The following UBE2G1 variants were observed in gnomAD, a reference collection of about 807,000 sequenced individuals.
The protein encoded by UBE2G1 is ubiquitin conjugating enzyme E2 G1.
Under a neutral mutation model 22.7 loss-of-function variants are expected in UBE2G1, and 5 were observed. The observed-to-expected ratio is 0.22, with a 90% CI of 0.12 to 0.46. The LOEUF (loss-of-function observed/expected upper bound fraction) is 0.46. Among genes scored for constraint, UBE2G1 ranks in the 20% least tolerant of loss-of-function variants. The pLI is 0.99. For missense variants in UBE2G1, 88 were observed against 203.9 expected, an observed-to-expected ratio of 0.43 and a Z score of 3.46; for synonymous variants, 74 against 67.5, an observed-to-expected ratio of 1.10 and a Z score of -0.47.
intron 1 of UBE2G1, among the ~76,000 whole-genome samples, chr17:4,348,569 A>G (rs1423006046): frequency 6.7e-6 from 1 of 149,992 alleles, no homozygotes; most frequent in Non-Finnish European, 1.5e-5. Context: ...AAAAAAAAAA[A>G]AATTAAAGAA....
chr17:4,354,770 A>C (rs925749948), intron 1 of UBE2G1, among the ~76,000 whole-genome samples: 1 of 151,900 alleles, frequency 6.6e-6, no homozygotes, highest in Non-Finnish European at 1.5e-5. Flanking sequence ...GTCTCTACCA[A>C]AAAAAAATTT....
intron 1 of UBE2G1, among the ~76,000 whole-genome samples, chr17:4,327,700 A>C (rs1294936346): frequency 6.6e-6 from 1 of 152,182 alleles, no homozygotes; most frequent in African/African-American, 2.4e-5. Context: ...CATCAAATGG[A>C]AGCCAAGCAT....
intron 4 of UBE2G1, among the ~76,000 whole-genome samples, chr17:4,286,395 ACT>A (rs1181114478): frequency 7.7e-6 from 1 of 130,048 alleles, no homozygotes; most frequent in Non-Finnish European, 1.6e-5. Flanking sequence ...ACAGAGTGAG[ACT>A]CTGTCTCAAA....
intron 3 of UBE2G1, among the ~76,000 whole-genome samples, chr17:4,293,266 C>T (rs376781866): frequency 2.6e-5 from 4 of 152,156 alleles, no homozygotes; most frequent in Admixed American, 2.6e-4. Context: ...ACTTTGTTCA[C>T]TTAATATAAT....
At chr17:4,355,016 G>A (rs1287200883) in intron 1 of UBE2G1, among the ~76,000 whole-genome samples, 6 of 152,072 alleles carry the variant, frequency 3.9e-5, no homozygotes, top group East Asian at 1.9e-4. Context: ...TGCTTGAGCC[G>A]AGGAAGTGGA....
chr17:4,325,278 G>A (rs1223056517), intron 1 of UBE2G1, among the ~76,000 whole-genome samples: 1 of 152,140 alleles, frequency 6.6e-6, no homozygotes, highest in East Asian at 1.9e-4. Flanking sequence ...TAAATGATGG[G>A]ATTGTGGGTG....
chr17:4,365,199 G>A (rs1163134997), intron 1 of UBE2G1, among the ~76,000 whole-genome samples: 1 of 152,232 alleles, frequency 6.6e-6, no homozygotes, highest in Non-Finnish European at 1.5e-5. Context: ...GTAGGGGGAA[G>A]ATCGCTTGAA....
intron 5 of UBE2G1, among the ~76,000 whole-genome samples, chr17:4,275,697 G>C (rs1405272642): frequency 6.6e-6 from 1 of 152,076 alleles, no homozygotes; most frequent in East Asian, 1.9e-4. Context: ...TCAATCATAG[G>C]GAAGTATTTC....
At chr17:4,300,546 AAAT>A (rs889230029) in intron 2 of UBE2G1, among the ~76,000 whole-genome samples, 9 of 152,092 alleles carry the variant, frequency 5.9e-5, no homozygotes, top group Admixed American at 4.6e-4. Context: ...CTGTCTCCAA[AAAT>A]AATAATAATA....
Position 4,288,848 on chromosome 17 carries a change from C to T in UBE2G1, c.426+382G>A, listed in dbSNP as rs186461387. Among the ~76,000 whole-genome samples, 659 of 152,092 alleles carry T rather than the reference C, an allele frequency of 4.3e-3. 4 individuals carry two copies. The highest frequency in any genetic ancestry group is 7.7e-3 in the South Asian group (37 of 4,812). ...TCAAATTAGCCATTCCACAACATAT[C>T]CATATTTCAAAACAACATGTTGTAT... On this transcript the variant is annotated intron_variant, in intron 4 of 5. Transcript: ENST00000396981.
intron 1 of UBE2G1, chr17:4,364,452 G>C (rs1227279660): frequency 1.4e-5 from 2 of 147,778 alleles, no homozygotes; most frequent in African/African-American, 5.0e-5. Flanking sequence ...ACCACGCCCG[G>C]CTAATTTTTG....
At chr17:4,274,219 A>C (rs1968794530) in intron 5 of UBE2G1, among the ~76,000 whole-genome samples, 1 of 111,454 alleles carries the variant, frequency 9.0e-6, no homozygotes, top group Non-Finnish European at 1.8e-5. Flanking sequence ...TTTTTTTGAG[A>C]CAGAGTCTTG....
intron 1 of UBE2G1, among the ~76,000 whole-genome samples, chr17:4,363,930 A>G (rs34344004): frequency 0.42 from 53,224 of 128,056 alleles, 12,962 homozygotes; most frequent in African/African-American, 0.69. Flanking sequence ...CCAGCTGGGC[A>G]ACAGAGTAAG....
intron 4 of UBE2G1, among the ~76,000 whole-genome samples, chr17:4,284,176 A>G (rs1444278235): frequency 6.9e-6 from 1 of 144,806 alleles, no homozygotes; most frequent in Non-Finnish European, 1.5e-5. Context: ...AAAAAAAAAG[A>G]GGGCCTGAAA....
intron 1 of UBE2G1, among the ~76,000 whole-genome samples, chr17:4,339,466 G>A (rs547443057): frequency 7.9e-5 from 12 of 152,118 alleles, no homozygotes; most frequent in South Asian, 2.1e-4. Context: ...GACCACGATC[G>A]GCTAATTTTT....
chr17:4,362,179 A>C (rs537124186), intron 1 of UBE2G1, among the ~76,000 whole-genome samples: 1 of 152,300 alleles, frequency 6.6e-6, no homozygotes, highest in South Asian at 2.1e-4. Flanking sequence ...TTGAATTGCC[A>C]CCGCTCAATT....
chr17:4,270,522 C>G lies in UBE2G1; in HGVS notation c.*2032G>C, dbSNP rs1270611514. 3.4e-5 allele frequency: 5 copies of G among 149,122 alleles called. No individual in the cohort carries two copies. The highest frequency in any genetic ancestry group is 5.9e-5 in the Non-Finnish European group (4 of 67,768). 9.2% of individuals were successfully genotyped at this position (149,122 alleles called of 1,614,324 possible). A position where few individuals can be genotyped will look rare whatever the true frequency, so the allele number is the denominator to read the frequency against. ...TATGATCGTTGCCACTGCACTCCAG[C>G]CTGGGTGACAGAGAGACCCAGTTTC... On this transcript the variant is annotated 3_prime_UTR_variant, in exon 6 of 6. Coordinates refer to ENST00000396981, the MANE Select transcript of UBE2G1 (RefSeq NM_003342.5).
At chr17:4,277,568 A>G (rs1968835068) in intron 5 of UBE2G1, among the ~76,000 whole-genome samples, 1 of 152,208 alleles carries the variant, frequency 6.6e-6, no homozygotes, top group Non-Finnish European at 1.5e-5. Flanking sequence ...AGGTATAAAC[A>G]CTAACAAAAT....
At chr17:4,305,381 T>C (rs1325915029) in intron 2 of UBE2G1, among the ~76,000 whole-genome samples, 1 of 152,232 alleles carries the variant, frequency 6.6e-6, no homozygotes, top group East Asian at 1.9e-4. Flanking sequence ...CTCTCTTTCC[T>C]GAGCAAAGGC....
Sources: allele counts gnomAD v4.1 joint callset (sites outside exome capture counted in the v4.1 genomes callset), GRCh38; gene constraint gnomAD v4.1.1; transcripts MANE v1.5; gene names NCBI Gene and HGNC (gene_info 2026-07-23, HGNC 2026-07-21).